Variants in MBP observed in about 807,000 individuals in gnomAD.
The protein encoded by MBP is myelin basic protein.
Under a neutral mutation model 35.8 loss-of-function variants are expected in MBP, and 16 were observed. The ratio of observed to expected loss-of-function variants is 0.45; its 90% CI spans 0.30 to 0.68. The LOEUF is 0.68. MBP is among the 30% of genes least tolerant of loss of function. MBP has a pLI of 0.08. For missense variants in MBP, 380 were observed against 404.7 expected (o/e 0.94, Z 0.52); for synonymous variants, 143 against 159.6 (o/e 0.90, Z 0.78).
intron 3 of MBP, among the ~76,000 whole-genome samples, chr18:77,028,437 A>G (rs1305494362): frequency 1.3e-5 from 1 of 76,630 alleles, no homozygotes; most frequent in South Asian, 5.0e-4. Flanking sequence ...TCTTTTCCCC[A>G]CCTTTCCCCC....
intron 3 of MBP, among the ~76,000 whole-genome samples, chr18:77,025,941 G>A (rs566115636): frequency 2.8e-4 from 42 of 152,196 alleles, no homozygotes; most frequent in African/African-American, 7.9e-4. Context: ...CTCCCTCTCC[G>A]AAAAACCGTC....
intron 8 of MBP, 116 bp from the exon 9 acceptor site, chr18:76,980,587 C>T: frequency 1.3e-6 from 1 of 772,836 alleles, no homozygotes; most frequent in East Asian, 2.5e-5. Flanking sequence ...CTCTCATCTG[C>T]TAATAGAAAT....
At chr18:77,074,812 C>T (rs1432333891) in intron 2 of MBP, among the ~76,000 whole-genome samples, 2 of 152,202 alleles carry the variant, frequency 1.3e-5, no homozygotes, top group African/African-American at 4.8e-5. Flanking sequence ...CTGGCAGTGC[C>T]TGCCTAGGTG....
At chr18:77,063,087 C>T (rs983410400) in intron 3 of MBP, among the ~76,000 whole-genome samples, 1 of 152,174 alleles carries the variant, frequency 6.6e-6, no homozygotes. Flanking sequence ...AGACCTTTTC[C>T]TAAAGTAGGT....
At chr18:77,065,390 A>G (rs574757756) in intron 3 of MBP, among the ~76,000 whole-genome samples, 26 of 152,254 alleles carry the variant, frequency 1.7e-4, no homozygotes, top group African/African-American at 6.3e-4. Flanking sequence ...TGACCTGATG[A>G]CTAGGTCTCT....
At chr18:77,024,206 A>G (rs924833598) in intron 3 of MBP, among the ~76,000 whole-genome samples, 1 of 152,240 alleles carries the variant, frequency 6.6e-6, no homozygotes, top group Non-Finnish European at 1.5e-5. Flanking sequence ...AACGCAGCCC[A>G]ATACAAATTC....
chr18:77,028,318 G>C (rs964136086), intron 3 of MBP, among the ~76,000 whole-genome samples: 1 of 137,310 alleles, frequency 7.3e-6, no homozygotes, highest in East Asian at 2.1e-4. Flanking sequence ...TAAGGTCACC[G>C]ATCAACAGGA....
intron 3 of MBP, among the ~76,000 whole-genome samples, chr18:77,022,829 G>A (rs1599087261): frequency 6.6e-6 from 1 of 152,242 alleles, no homozygotes; most frequent in African/African-American, 2.4e-5. Context: ...AGAAGTATGC[G>A]AAGAAGTCTA....
intron 3 of MBP, among the ~76,000 whole-genome samples, chr18:77,063,455 T>C (rs1397226099): frequency 6.6e-6 from 1 of 152,174 alleles, no homozygotes; most frequent in Non-Finnish European, 1.5e-5. Context: ...CCCTTGGTTT[T>C]GACTCAACCT....
intron 1 of MBP, among the ~76,000 whole-genome samples, chr18:77,106,790 G>A (rs925336394): frequency 1.4e-4 from 22 of 152,184 alleles, no homozygotes; most frequent in African/African-American, 5.1e-4. Flanking sequence ...TTTTAAAAAC[G>A]CAAGGCTACC....
chr18:77,067,743 A>C (rs988575956), intron 2 of MBP: 1 of 466,230 alleles, frequency 2.1e-6, no homozygotes, highest in Non-Finnish European at 4.3e-6. Context: ...AGTTTGTACC[A>C]ATTTTCCACC....
intron 2 of MBP, among the ~76,000 whole-genome samples, chr18:77,093,924 TC>T (rs1477390963): frequency 2.0e-5 from 3 of 152,110 alleles, no homozygotes; most frequent in Non-Finnish European, 4.4e-5. Context: ...TTGGGGTTTT[TC>T]TTACTGTAAC....
chr18:76,990,202 T>G, intron 4 of MBP, 142 bp from the exon 5 acceptor site: 1 of 595,824 alleles, frequency 1.7e-6, no homozygotes, highest in East Asian at 2.9e-5. Flanking sequence ...TAAGGACTAT[T>G]GTGATAGATG....
intron 1 of MBP, among the ~76,000 whole-genome samples, chr18:77,106,238 A>G (rs528494220): frequency 4.6e-5 from 7 of 152,338 alleles, no homozygotes; most frequent in African/African-American, 1.7e-4. Flanking sequence ...CCAAAATAGT[A>G]GATACACCCG....
chr18:77,008,579 G>A (rs959520945), intron 4 of MBP, among the ~76,000 whole-genome samples: 3 of 152,092 alleles, frequency 2.0e-5, no homozygotes, highest in East Asian at 1.9e-4. Context: ...AGCCGCAGCC[G>A]CCAGTCACTC....
chr18:76,979,831 C>T lies in MBP; in HGVS notation c.*596G>A, dbSNP rs906378061. 8 of 639,714 alleles carry T rather than the reference C, an allele frequency of 1.3e-5. No individual in the cohort carries two copies. The highest frequency in any genetic ancestry group is 3.6e-5 in the South Asian group (2 of 55,108). 39.6% of individuals were successfully genotyped at this position (639,714 alleles called of 1,614,324 possible). ...GTGGCCCCCTCTCTGTGCTGCCCCA[C>T]GTTGGACTCTAACAGCTGCCCAGCC... On this transcript the variant is annotated 3_prime_UTR_variant, in exon 9 of 9. Transcript: ENST00000355994.
intron 3 of MBP, among the ~76,000 whole-genome samples, chr18:77,034,434 G>C (rs1972672965): frequency 6.6e-6 from 1 of 152,154 alleles, no homozygotes; most frequent in Non-Finnish European, 1.5e-5. Context: ...CTCCAGTTGA[G>C]CCTGACCCAG....
intron 4 of MBP, among the ~76,000 whole-genome samples, chr18:76,996,266 C>T (rs992996702): frequency 3.9e-5 from 6 of 152,154 alleles, no homozygotes; most frequent in Admixed American, 3.3e-4. Flanking sequence ...TACCATATGA[C>T]CCTGTAATTC....
intron 7 of MBP, chr18:76,987,952 T>C (rs1969651402): frequency 2.2e-5 from 26 of 1,161,892 alleles, no homozygotes; most frequent in Non-Finnish European, 2.6e-5. Context: ...TGGCTTGATA[T>C]CTATGTTTTA....
Sources: gnomAD v4.1 joint callset for allele counts (sites outside exome capture counted in the v4.1 genomes callset) on GRCh38, gnomAD v4.1.1 for gene constraint, MANE v1.5 for transcripts, NCBI Gene and HGNC (gene_info 2026-07-23, HGNC 2026-07-21) for gene names.